RIOX2: variants seen among roughly 807,000 people sequenced by gnomAD.
RIOX2 encodes 60S ribosomal protein L27a histidine hydroxylase.
RIOX2 carries 43 observed loss-of-function variants against 51.2 expected under a neutral mutation model. The observed-to-expected ratio is 0.84, with a 90% confidence interval of 0.66 to 1.08. RIOX2 has a LOEUF of 1.08. Among genes scored for constraint, RIOX2 ranks in the 50% least tolerant of loss-of-function variants. The probability of loss-of-function intolerance (pLI) is 0.00; values close to 1 mark genes in which losing one functional copy is unlikely to be tolerated. For missense variants in RIOX2, 566 were observed against 561.7 expected, an observed-to-expected ratio of 1.01 and a Z score of -0.08; for synonymous variants, 226 against 218.5, an observed-to-expected ratio of 1.03 and a Z score of -0.30.
chr3:97,947,561 C>A, intron 7 of RIOX2, 112 bp from the exon 8 acceptor site: 1 of 773,752 alleles, frequency 1.3e-6, no homozygotes, highest in South Asian at 1.6e-5. Context: ...ACAGGTGAAT[C>A]CAAACATGGC....
intron 5 of RIOX2, among the ~76,000 whole-genome samples, chr3:97,951,983 T>C (rs1705271513): frequency 6.6e-6 from 1 of 152,232 alleles, no homozygotes; most frequent in Admixed American, 6.5e-5. Context: ...AGAAGTTAAA[T>C]AGTGCTCCTC....
intron 4 of RIOX2, among the ~76,000 whole-genome samples, chr3:97,955,754 T>C (rs1281674987): frequency 2.0e-5 from 3 of 152,144 alleles, no homozygotes; most frequent in African/African-American, 4.8e-5. Context: ...CTGAGAAAAG[T>C]GGTATGTCAC....
chr3:97,945,067 G>T lies in RIOX2; in HGVS notation c.*117C>A. ...ACCACCTGTAACAGGGAGGTCTCAT[G>T]TTTGTTAGTAGATACGCAGGTAAGG... On this transcript the variant is annotated 3_prime_UTR_variant, in exon 10 of 10. Coordinates refer to ENST00000394198, the MANE Select transcript of RIOX2 (RefSeq NM_153182.4). 1 of 899,144 alleles carries T rather than the reference G, an allele frequency of 1.1e-6. No individual in the cohort carries two copies. Among genetic ancestry groups the T allele is most frequent in the Non-Finnish European group, 1.6e-6 (1 of 619,570 alleles). The allele number at this position is 899,144 out of a possible 1,614,324, so 55.7% of individuals were successfully genotyped here.
At position 97,943,145 on chromosome 3, in the gene RIOX2, G is replaced by C; in HGVS notation, c.*2039C>G. 3 of 772,252 alleles carry C rather than the reference G, an allele frequency of 3.9e-6. No individual in the cohort carries two copies. The South Asian group carries it at 4.9e-5, about 13-fold the overall frequency. The allele number at this position is 772,252 out of a possible 1,614,324, so 47.8% of individuals were successfully genotyped here. The stretch of plus-strand genomic sequence containing the variant: ...CATTCATCCACCGAAATGGTGAGCT[G>C]AACAGAAGCTTGTGAAAATTGTGAA... On this transcript the variant is annotated 3_prime_UTR_variant, in exon 10 of 10. Coordinates refer to ENST00000394198, the MANE Select transcript of RIOX2 (RefSeq NM_153182.4).
At chr3:97,954,657 A>G (rs577944632) in intron 4 of RIOX2, among the ~76,000 whole-genome samples, 162 bp from the exon 5 acceptor site, 37 of 152,138 alleles carry the variant, frequency 2.4e-4, no homozygotes, top group African/African-American at 8.9e-4. Context: ...GTGTGCAGCT[A>G]GTCTAGCTTC....
rs1343376512 is a variant in RIOX2, at chr3:97,943,342, T to C, written c.*1842A>G. 10 of 1,292,410 alleles carry C rather than the reference T, an allele frequency of 7.7e-6. No homozygotes were observed. The highest frequency in any genetic ancestry group is 1.1e-5 in the Non-Finnish European group (10 of 893,488). The allele number at this position is 1,292,410 out of a possible 1,614,324, so 80.1% of individuals were successfully genotyped here. A position where few individuals can be genotyped will look rare whatever the true frequency, so the allele number is the denominator to read the frequency against. Reference sequence around the variant, plus strand: ...GAATCAACATCCCTAGAAAGATCCCTAGAAAGAGCAAAGAAGGAAACACAT... The same window carrying C: ...GAATCAACATCCCTAGAAAGATCCCCAGAAAGAGCAAAGAAGGAAACACAT... On this transcript the variant is annotated 3_prime_UTR_variant, in exon 10 of 10. Coordinates refer to ENST00000394198, the MANE Select transcript of RIOX2 (RefSeq NM_153182.4).
At position 97,944,190 on chromosome 3, in the gene RIOX2, C is replaced by CTCTT. The variant is rs2040298227; in HGVS notation, c.*990_*993dup. ...AGCATTTGAACCTTGACCTTACCATCTCTTTAAGTAAACGTGGAGTTGATT... is the reference window on the plus strand; with the variant it reads ...AGCATTTGAACCTTGACCTTACCATCTCTTTCTTTAAGTAAACGTGGAGTTGATT... On this transcript the variant is annotated 3_prime_UTR_variant, in exon 10 of 10. Transcript: ENST00000394198. 1.3e-5 allele frequency: 2 copies of CTCTT among 151,450 alleles called. No individual in the cohort carries two copies. The highest frequency in any genetic ancestry group is 2.4e-5 in the African/African-American group (1 of 41,258). 9.4% of individuals were successfully genotyped at this position (151,450 alleles called of 1,614,324 possible). A position where few individuals can be genotyped will look rare whatever the true frequency, so the allele number is the denominator to read the frequency against.
chr3:97,948,034 C>T (rs9852566), intron 7 of RIOX2, among the ~76,000 whole-genome samples: 1,934 of 152,172 alleles, frequency 0.013, 35 homozygotes, highest in African/African-American at 0.043. Context: ...GGGTCATCTG[C>T]GTGGGGAAGG....
chr3:97,955,386 T>C (rs749741968), intron 4 of RIOX2, among the ~76,000 whole-genome samples: 1 of 152,056 alleles, frequency 6.6e-6, no homozygotes, highest in Non-Finnish European at 1.5e-5. Flanking sequence ...AAATATTCCA[T>C]GTAGCAGCTA....
rs1705678565 is a variant in RIOX2, at chr3:97,961,657, C to T, written c.484G>A (p.Val162Ile). 2.5e-6 allele frequency: 4 copies of T among 1,612,286 alleles called. No individual in the cohort carries two copies. Among genetic ancestry groups the T allele is most frequent in the Non-Finnish European group, 8.5e-7 (1 of 1,179,562 alleles). The change falls in exon 3 of 10, where the codon GTT becomes ATT. Residue 162 changes from valine (V) to isoleucine (I), a missense_variant. Coordinates refer to ENST00000394198, the MANE Select transcript of RIOX2 (RefSeq NM_153182.4). The stretch of plus-strand genomic sequence containing the variant: ...GGAGTTATGTACACATTCGAGCCAA[C>T]CAAGGAGCCAAAGTAACATTCCAGC... ...EKLECYFGSL[V>I]GSNVYITPAG...
In RIOX2 at chr3:97,967,192, C is replaced by A. The variant is rs776111591; in HGVS notation, c.402G>T (p.Thr134=). The A allele has an allele frequency of 6.2e-7, 1 of 1,614,022 alleles. No homozygotes were observed. The highest frequency in any genetic ancestry group is 8.5e-7 in the Non-Finnish European group (1 of 1,179,934). The change falls in exon 2 of 10, where the codon ACG becomes ACT. Residue 134 remains threonine, a synonymous_variant. Coordinates refer to ENST00000394198, the MANE Select transcript of RIOX2 (RefSeq NM_153182.4). ...ATCTCTGAGGTTGGTGAAACTGAAT[C>A]GTTGCCCTTTTCTGATCAAAATCTT... The part of the protein sequence containing the change: ...LRKDFDQKRA[T]IQFHQPQRFK...
intron 5 of RIOX2, chr3:97,952,332 G>A: frequency 1.2e-6 from 1 of 865,932 alleles, no homozygotes; most frequent in South Asian, 1.4e-5. Flanking sequence ...GGCAACTTCT[G>A]TAACTTAGGA....
In RIOX2 at chr3:97,961,696, T is replaced by C. The variant is rs2107179434; in HGVS notation, c.445A>G (p.Arg149Gly). 6.2e-7 allele frequency: 1 copy of C among 1,603,164 alleles called. No individual in the cohort carries two copies. Among genetic ancestry groups the C allele is most frequent in the East Asian group, 2.2e-5 (1 of 44,572 alleles). ...TAACATTCCAGCTTCTCCTGGATCC[T>C]CCAAAGCTCATCCTTTACAAAAAAG... ...QPQRFKDELW[R>G]IQEKLECYFG... The change falls in exon 3 of 10, where the codon AGG becomes GGG. Residue 149 changes from arginine to glycine, a missense_variant. Arg to Gly is a moderately radical substitution (Grantham distance 125). Coordinates refer to ENST00000394198, the MANE Select transcript of RIOX2 (RefSeq NM_153182.4).
chr3:97,942,952 C>A lies in RIOX2; in HGVS notation c.*2232G>T, dbSNP rs1405294989. The stretch of plus-strand genomic sequence containing the variant: ...ACCTGACATTCAGCCAGAGTTCTCT[C>A]AAGAGCACTTTGTTCTAAAGAATCA... On this transcript the variant is annotated 3_prime_UTR_variant, in exon 10 of 10. Transcript: ENST00000394198. The A allele has an allele frequency of 2.8e-6, 1 of 360,114 alleles. No individual in the cohort carries two copies. The highest frequency in any genetic ancestry group is 4.9e-6 in the Non-Finnish European group (1 of 202,808). The allele number at this position is 360,114 out of a possible 1,614,324, so 22.3% of individuals were successfully genotyped here. A position where few individuals can be genotyped will look rare whatever the true frequency, so the allele number is the denominator to read the frequency against.
intron 4 of RIOX2, among the ~76,000 whole-genome samples, chr3:97,958,373 G>C (rs940959193): frequency 6.6e-6 from 1 of 152,152 alleles, no homozygotes; most frequent in South Asian, 2.1e-4. Flanking sequence ...TCCATGTAAC[G>C]TTCTTTTCCT....
At chr3:97,950,077 T>C (rs1705187636) in intron 6 of RIOX2, 62 bp from the exon 7 acceptor site, 1 of 1,574,326 alleles carries the variant, frequency 6.4e-7, no homozygotes, top group Admixed American at 1.7e-5. Context: ...CAGCTCAGTC[T>C]CCACAGTAGA....
chr3:97,951,839 T>C (rs532958767), intron 5 of RIOX2, among the ~76,000 whole-genome samples: 5 of 152,274 alleles, frequency 3.3e-5, no homozygotes, highest in African/African-American at 1.2e-4. Flanking sequence ...TAATGTTATA[T>C]CCAACCCTGC....
At chr3:97,947,225 C>T in intron 8 of RIOX2, 136 bp downstream of exon 8, 1 of 679,930 alleles carries the variant, frequency 1.5e-6, no homozygotes, top group Non-Finnish European at 2.6e-6. Flanking sequence ...ATCATCTGAC[C>T]TGAAGAAATG....
intron 2 of RIOX2, among the ~76,000 whole-genome samples, chr3:97,964,832 A>C (rs1054255868): frequency 3.4e-5 from 5 of 146,700 alleles, no homozygotes; most frequent in Admixed American, 2.1e-4. Flanking sequence ...TAGCCTGCTA[A>C]GCAAAATGCA....
Sources: gnomAD v4.1 joint callset for allele counts (sites outside exome capture counted in the v4.1 genomes callset) on GRCh38, gnomAD v4.1.1 for gene constraint, MANE v1.5 for transcripts, NCBI Gene and HGNC (gene_info 2026-07-23, HGNC 2026-07-21) for gene names.